The following DIP2C variants were observed in gnomAD, a reference collection of about 807,000 sequenced individuals.
The protein encoded by DIP2C is DIP2 acetate--CoA ligase C (putative), also known as disco-interacting protein 2 homolog C.
In DIP2C, 33 loss-of-function variants were observed where a neutral mutation model predicts 192.4. The ratio of observed to expected loss-of-function variants is 0.17; its 90% CI spans 0.13 to 0.23. The LOEUF (loss-of-function observed/expected upper bound fraction) is 0.23, where lower values mean the gene tolerates loss of function less well. Among genes scored for constraint, DIP2C ranks in the 10% least tolerant of loss-of-function variants. The pLI is 1.00. For synonymous variants in DIP2C, 979 were observed against 864.1 expected (o/e 1.13, Z -2.33); for missense variants, 1,537 against 2,110.1 (o/e 0.73, Z 5.32).
Position 689,449 on chromosome 10 carries a change from T to C in DIP2C, c.85+45A>G. 1 of 1,055,652 alleles carries C rather than the reference T, an allele frequency of 9.5e-7. No individual in the cohort carries two copies. Among genetic ancestry groups the C allele is most frequent in the Non-Finnish European group, 1.1e-6 (1 of 873,552 alleles). The allele number at this position is 1,055,652 out of a possible 1,614,324, so 65.4% of individuals were successfully genotyped here. A position where few individuals can be genotyped will look rare whatever the true frequency, so the allele number is the denominator to read the frequency against. ...GCCCCCAGCCCTCCGCGCGCGGCCC[T>C]CCCCGGTGACAGCGCGGCCCGGCCC... On this transcript the variant is annotated intron_variant, in intron 1 of 36. Coordinates refer to ENST00000280886, the MANE Select transcript of DIP2C (RefSeq NM_014974.3). This position sits in a 1 kb window ranked among gnomAD's most constrained non-coding sequence, Gnocchi z 6.1.
intron 31 of DIP2C, among the ~76,000 whole-genome samples, chr10:313,038 C>G (rs1014878186): frequency 2.0e-5 from 3 of 152,036 alleles, no homozygotes; most frequent in African/African-American, 7.2e-5. Flanking sequence ...TAGGCCTAAG[C>G]ATTAATAGAG....
chr10:490,803 T>C (rs138170884), intron 1 of DIP2C, among the ~76,000 whole-genome samples: 16 of 152,184 alleles, frequency 1.1e-4, no homozygotes, highest in African/African-American at 3.9e-4. Flanking sequence ...TCCGTAAGAA[T>C]TAAAATTTCA....
chr10:476,765 A>G (rs1234692428), intron 2 of DIP2C, among the ~76,000 whole-genome samples: 1 of 152,230 alleles, frequency 6.6e-6, no homozygotes, highest in Non-Finnish European at 1.5e-5. Context: ...GCTTGTTTTG[A>G]AAACAGGAAG....
chr10:590,688 G>T lies in DIP2C; in HGVS notation c.85+98806C>A, dbSNP rs562607425. 1.7e-4 allele frequency among the ~76,000 whole-genome samples: 26 copies of T among 152,256 alleles called. 1 individual carries two copies. In the South Asian group the frequency reaches 5.4e-3, roughly 32 times the overall value. On this transcript the variant is annotated intron_variant, in intron 1 of 36. Transcript: ENST00000280886. ...ACACTATATCTCTACAAGTTAGACGGGTTTTTACTTTACATATCTTCACTT... is the reference window on the plus strand; with the variant it reads ...ACACTATATCTCTACAAGTTAGACGTGTTTTTACTTTACATATCTTCACTT...
At chr10:377,353 C>CA (rs1961744219) in intron 17 of DIP2C, among the ~76,000 whole-genome samples, 1 of 152,224 alleles carries the variant, frequency 6.6e-6, no homozygotes, top group Non-Finnish European at 1.5e-5. Context: ...CCTCCTTTGC[C>CA]AAAACCAACT....
chr10:536,412 C>A (rs1442211460), intron 1 of DIP2C, among the ~76,000 whole-genome samples: 1 of 152,172 alleles, frequency 6.6e-6, no homozygotes, highest in Non-Finnish European at 1.5e-5. Context: ...TCTGCAAAGA[C>A]CCTGTTCCCC....
intron 17 of DIP2C, among the ~76,000 whole-genome samples, chr10:378,490 AAC>A (rs528620110): frequency 3.0e-4 from 46 of 152,196 alleles, no homozygotes; most frequent in Admixed American, 5.9e-4. Flanking sequence ...CATACATGTG[AAC>A]ACAGACATGC....
intron 1 of DIP2C, among the ~76,000 whole-genome samples, chr10:521,619 G>A (rs1160049972): frequency 6.6e-6 from 1 of 152,298 alleles, no homozygotes; most frequent in Non-Finnish European, 1.5e-5. Context: ...CACTGATACT[G>A]TAATTAACTT....
intron 1 of DIP2C, among the ~76,000 whole-genome samples, chr10:634,830 C>T (rs1024768579): frequency 1.3e-5 from 2 of 152,048 alleles, no homozygotes; most frequent in African/African-American, 2.4e-5. Flanking sequence ...TAAGTTCTTC[C>T]GGAGGGTAGC....
chr10:486,445 T>C lies in DIP2C; in HGVS notation c.157+14A>G, dbSNP rs1234613726. 6.3e-7 allele frequency: 1 copy of C among 1,593,516 alleles called. No individual in the cohort carries two copies. The highest frequency in any genetic ancestry group is 1.1e-5 in the South Asian group (1 of 87,338). ...GAAATGAGAGGACTCATGCTACTCA[T>C]GGGGGTTACCTACTCGGAGGCTGCG... On this transcript the variant is annotated intron_variant, in intron 2 of 36. Coordinates refer to ENST00000280886, the MANE Select transcript of DIP2C (RefSeq NM_014974.3).
At position 440,859 on chromosome 10, in the gene DIP2C, C is replaced by A; in HGVS notation, c.394+12G>T. 6.2e-7 allele frequency: 1 copy of A among 1,608,734 alleles called. No homozygotes were observed. Among genetic ancestry groups the A allele is most frequent in the Non-Finnish European group, 8.5e-7 (1 of 1,178,408 alleles). On this transcript the variant is annotated intron_variant, in intron 4 of 36. Coordinates refer to ENST00000280886, the MANE Select transcript of DIP2C (RefSeq NM_014974.3). ...ACATTCAGGAGGCCGTGTCGGGGAG[C>A]GTGTCCCTTACCTGGAGGGGTGTAG...
intron 1 of DIP2C, among the ~76,000 whole-genome samples, chr10:584,068 T>C (rs1850829127): frequency 6.6e-6 from 1 of 152,184 alleles, no homozygotes; most frequent in African/African-American, 2.4e-5. Context: ...CCCAAATCCC[T>C]GCATCCCTTC....
intron 1 of DIP2C, among the ~76,000 whole-genome samples, chr10:674,787 T>TAGAGAG (rs1222152605): frequency 4.7e-4 from 38 of 81,520 alleles, no homozygotes; most frequent in African/African-American, 1.2e-3. Flanking sequence ...TATATATATA[T>TAGAGAG]ATAGAGAGAG....
At chr10:314,014 T>G (rs1326713094) in intron 31 of DIP2C, among the ~76,000 whole-genome samples, 1 of 152,222 alleles carries the variant, frequency 6.6e-6, no homozygotes, top group Non-Finnish European at 1.5e-5. Context: ...GACCTGATAC[T>G]GGGCTTATGT....
At chr10:406,427 G>A (rs1315970761) in intron 9 of DIP2C, among the ~76,000 whole-genome samples, 1 of 152,094 alleles carries the variant, frequency 6.6e-6, no homozygotes, top group East Asian at 1.9e-4. Flanking sequence ...TAACCTTTCT[G>A]CTTTTGTTTC....
At chr10:671,212 G>A (rs1007591479) in intron 1 of DIP2C, among the ~76,000 whole-genome samples, 5 of 152,254 alleles carry the variant, frequency 3.3e-5, no homozygotes, top group African/African-American at 7.2e-5. Context: ...AGCACACAGC[G>A]ATCAGTAAGT....
chr10:580,337 C>T (rs545925635), intron 1 of DIP2C, among the ~76,000 whole-genome samples: 25 of 152,202 alleles, frequency 1.6e-4, no homozygotes, highest in Admixed American at 2.0e-4. Flanking sequence ...ATTCAGTGTG[C>T]GTAGTGTACA....
At chr10:519,678 C>A (rs963758600) in intron 1 of DIP2C, among the ~76,000 whole-genome samples, 3 of 152,266 alleles carry the variant, frequency 2.0e-5, no homozygotes, top group Admixed American at 6.5e-5. Context: ...GGATCAACCG[C>A]ACAGAAACCT....
rs1384071417 is a variant in DIP2C, at chr10:689,282, A to C, written c.85+212T>G. 6.7e-6 allele frequency among the ~76,000 whole-genome samples: 1 copy of C among 150,186 alleles called. No homozygotes were observed. Among genetic ancestry groups the C allele is most frequent in the Non-Finnish European group, 1.5e-5 (1 of 67,500 alleles). On this transcript the variant is annotated intron_variant, in intron 1 of 36. Transcript: ENST00000280886. This position sits in a 1 kb window ranked among gnomAD's most constrained non-coding sequence, Gnocchi z 6.1. ...AGGGCGCGGGGAATCGCGGCCCCACAAACGTCCCCAGAGCGCGGGGGATCG... is the reference window on the plus strand; with the variant it reads ...AGGGCGCGGGGAATCGCGGCCCCACCAACGTCCCCAGAGCGCGGGGGATCG...
Sources: allele counts gnomAD v4.1 joint callset (sites outside exome capture counted in the v4.1 genomes callset), GRCh38; gene constraint gnomAD v4.1.1; non-coding constraint Gnocchi (gnomAD v3.1); transcripts MANE v1.5; gene names NCBI Gene and HGNC (gene_info 2026-07-23, HGNC 2026-07-21).